Variants in CDKL5 observed in about 807,000 individuals in gnomAD.
The protein encoded by CDKL5 is cyclin dependent kinase like 5.
CDKL5 carries 8 observed loss-of-function variants against 61.7 expected under a neutral mutation model. The ratio of observed to expected loss-of-function variants is 0.13; its 90% confidence interval spans 0.08 to 0.23. The LOEUF (loss-of-function observed/expected upper bound fraction) is 0.23. CDKL5 is among the 10% of genes least tolerant of loss of function. The probability of loss-of-function intolerance (pLI) is 1.00; values close to 1 mark genes in which losing one functional copy is unlikely to be tolerated. For synonymous variants in CDKL5, 275 were observed against 272.3 expected (o/e 1.01, Z -0.10); for missense variants, 440 against 734.5 (o/e 0.60, Z 4.63).
chrX:18,463,629 A>G (rs1271120659), intron 1 of CDKL5, among the ~76,000 whole-genome samples: 1 of 112,112 alleles, frequency 8.9e-6, no homozygotes, highest in African/African-American at 3.2e-5. Flanking sequence ...AAAGATTGCA[A>G]TTTCATTATC....
At chrX:18,530,009 C>G (rs949376221) in intron 3 of CDKL5, among the ~76,000 whole-genome samples, 4 of 111,158 alleles carry the variant, frequency 3.6e-5, no homozygotes, top group African/African-American at 1.3e-4. Flanking sequence ...TCCCATAATT[C>G]TTGGATGTTC....
chrX:18,652,395 G>A (rs1227201903), intron 21 of CDKL5, among the ~76,000 whole-genome samples: 2 of 112,464 alleles, frequency 1.8e-5, no homozygotes, highest in Non-Finnish European at 3.8e-5. Flanking sequence ...AAGGCTGGGT[G>A]CAGTGGCTCA....
downstream of CDKL5, chrX:18,644,507 T>C (rs1386323490): frequency 8.3e-7 from 1 of 1,209,268 alleles, no homozygotes; most frequent in Admixed American, 2.2e-5. Flanking sequence ...CTGTACTTGG[T>C]CATCCACTCA....
At chrX:18,599,563 C>T (rs984084934) in intron 11 of CDKL5, among the ~76,000 whole-genome samples, 2 of 111,881 alleles carry the variant, frequency 1.8e-5, no homozygotes, top group African/African-American at 3.3e-5. Context: ...AAGCCTCCCT[C>T]CCACCTCATC....
intron 9 of CDKL5, 99 bp downstream of exon 9, chrX:18,588,242 T>C: frequency 1.5e-6 from 1 of 678,315 alleles, no homozygotes; most frequent in Non-Finnish European, 2.4e-6. Context: ...TTGAATACTA[T>C]TTCTTTTCCC....
intron 1 of CDKL5, among the ~76,000 whole-genome samples, chrX:18,477,718 A>T (rs2147069541): frequency 9.0e-6 from 1 of 111,600 alleles, no homozygotes; most frequent in East Asian, 2.8e-4. Flanking sequence ...CGTTCCTTCC[A>T]TGTAGCTCTA....
intron 20 of CDKL5, chrX:18,650,190 G>T: frequency 4.3e-6 from 2 of 466,543 alleles, no homozygotes; most frequent in South Asian, 3.0e-5. Context: ...CCTGGCCAGG[G>T]CCAATGGCCT....
rs1926964903 is a variant in CDKL5 at position 18,623,982 on chromosome X, C to A, written c.2377-1146C>A. On this transcript the variant is annotated intron_variant, in intron 16 of 17. Coordinates refer to ENST00000623535, the MANE Select transcript of CDKL5 (RefSeq NM_001323289.2). ...CATAGTTCTTCTTTGAAAAAGCTTC[C>A]TGTAGTCACTCCACCCATGGTACCC... is the stretch of plus-strand genomic sequence containing the variant. The A allele has an allele frequency of 5.3e-6, 4 of 751,755 alleles. No homozygotes were observed. In the Middle Eastern group the frequency reaches 2.3e-3, roughly 428 times the overall value. The allele number at this position is 751,755 out of a possible 1,213,427, so 62.0% of individuals were successfully genotyped here. A position where few individuals can be genotyped will look rare whatever the true frequency, so the allele number is the denominator to read the frequency against.
At chrX:18,470,276 C>CA (rs1470094935) in intron 1 of CDKL5, among the ~76,000 whole-genome samples, 1 of 99,283 alleles carries the variant, frequency 1.0e-5, no homozygotes, top group Admixed American at 1.2e-4. Context: ...ATGGTGGTTG[C>CA]AGTGAGCTGA....
At position 18,536,408 on chromosome X, in the gene CDKL5, G is replaced by A. The variant is rs199662671; in HGVS notation, c.99+25554G>A. ...CTAGTTCATCATATTACAAGTTCTA[G>A]AGAGTATTATTTATTCAATACAGGT... is the stretch of plus-strand genomic sequence containing the variant. On this transcript the variant is annotated intron_variant, in intron 3 of 17. Transcript: ENST00000623535. 3.2e-5 allele frequency among the ~76,000 whole-genome samples: 3 copies of A among 94,047 alleles called. No individual in the cohort carries two copies. In the East Asian group the frequency reaches 1.1e-3, roughly 35 times the overall value. The allele number at this position is 94,047 out of a possible 115,157, so 81.7% of individuals were successfully genotyped here.
intron 20 of CDKL5, among the ~76,000 whole-genome samples, chrX:18,646,831 G>A (rs1927792426): frequency 1.8e-5 from 2 of 111,968 alleles, no homozygotes; most frequent in African/African-American, 6.5e-5. Context: ...AGCCTTCCCT[G>A]GCTGCATGGA....
rs1160010986 is a variant in CDKL5, at chrX:18,564,056, G to A, written c.100-421G>A. ...AATTAGATATGCTTGTTAGCATTCT[G>A]CTACCAGCAACTACTGTGTATTGGA... is the stretch of plus-strand genomic sequence containing the variant. On this transcript the variant is annotated intron_variant, in intron 3 of 17. Transcript: ENST00000623535. Among the ~76,000 whole-genome samples, 4 of 111,471 alleles carry A rather than the reference G, an allele frequency of 3.6e-5. No individual in the cohort carries two copies. The Admixed American group carries it at 3.8e-4, about 11-fold the overall frequency.
chrX:18,442,839 T>A (rs1056298553), intron 1 of CDKL5, among the ~76,000 whole-genome samples: 1 of 112,174 alleles, frequency 8.9e-6, no homozygotes, highest in African/African-American at 3.2e-5. Context: ...TTAGTTCAGC[T>A]CTTTTTCATT....
At chrX:18,579,426 A>G (rs1300172213) in intron 5 of CDKL5, among the ~76,000 whole-genome samples, 2 of 110,589 alleles carry the variant, frequency 1.8e-5, no homozygotes, top group Non-Finnish European at 3.8e-5. Context: ...TATTTCGTGG[A>G]TCTTCCAGGT....
At chrX:18,439,837 C>CAA (rs199796155) in intron 1 of CDKL5, among the ~76,000 whole-genome samples, 3 of 37,964 alleles carry the variant, frequency 7.9e-5, no homozygotes, top group Non-Finnish European at 1.1e-4. Flanking sequence ...ATTTGGTCTC[C>CAA]AAAAAAAAAA....
At chrX:18,506,893 A>G (rs182947187) in intron 1 of CDKL5, 42 bp from the exon 2 acceptor site, 4 of 418,314 alleles carry the variant, frequency 9.6e-6, no homozygotes, top group African/African-American at 5.0e-5. Flanking sequence ...GAGTACTGCA[A>G]ATATAAAACT....
chrX:18,451,084 CATT>C (rs1202320783), intron 1 of CDKL5, among the ~76,000 whole-genome samples: 2 of 111,628 alleles, frequency 1.8e-5, no homozygotes, highest in Non-Finnish European at 3.8e-5. Context: ...GAATGCTAAC[CATT>C]ATTGTTTCCA....
rs4342749 is a variant in CDKL5 at position 18,552,850 on chromosome X, C to A, written c.100-11627C>A. Among the ~76,000 whole-genome samples the A allele has an allele frequency of 2.7e-5, 3 of 111,096 alleles. No homozygotes were observed. In the South Asian group the frequency reaches 1.2e-3, roughly 43 times the overall value. On this transcript the variant is annotated intron_variant, in intron 3 of 17. Coordinates refer to ENST00000623535, the MANE Select transcript of CDKL5 (RefSeq NM_001323289.2). ...ATGTGACTCAGCAAGCAAAGGAGAC[C>A]TAGGGAGAGGAGGTGGAAGAGCTAC...
chrX:18,453,902 A>G (rs1000463852), intron 1 of CDKL5, among the ~76,000 whole-genome samples: 1 of 112,282 alleles, frequency 8.9e-6, no homozygotes, highest in Non-Finnish European at 1.9e-5. Context: ...TTACTTATTG[A>G]GCATCAAGAT....
Sources: allele counts gnomAD v4.1 joint callset (sites outside exome capture counted in the v4.1 genomes callset), GRCh38; gene constraint gnomAD v4.1.1; transcripts MANE v1.5; gene names NCBI Gene and HGNC (gene_info 2026-07-23, HGNC 2026-07-21).